Variants in TSPAN6 observed in about 807,000 individuals in gnomAD.
TSPAN6 encodes tetraspanin-6.
TSPAN6 carries 13 observed loss-of-function variants against 18.0 expected under a neutral mutation model. That is an observed-to-expected ratio of 0.72 (90% CI 0.47 to 1.15). The LOEUF is 1.15. Ranked by LOEUF, TSPAN6 falls within the 50% of genes most tolerant of loss-of-function variation. The pLI is 0.00. For synonymous variants in TSPAN6, 82 were observed against 67.0 expected, an observed-to-expected ratio of 1.22 and a Z score of -1.09; for missense variants, 186 against 183.9, an observed-to-expected ratio of 1.01 and a Z score of -0.07.
chrX:100,634,530 T>C (rs926039709), intron 3 of TSPAN6, among the ~76,000 whole-genome samples: 21 of 110,488 alleles, frequency 1.9e-4, no homozygotes, highest in African/African-American at 6.6e-4. Context: ...CTCGCTCTGC[T>C]GCCCAGGCTG....
chrX:100,633,572 T>C, intron 4 of TSPAN6, 33 bp from the exon 5 acceptor site: 2 of 1,158,524 alleles, frequency 1.7e-6, no homozygotes, highest in Non-Finnish European at 2.3e-6. Flanking sequence ...TTACAGTTTA[T>C]ATTACAACTT....
intron 1 of TSPAN6, chrX:100,636,154 G>A: frequency 1.3e-6 from 1 of 791,866 alleles, no homozygotes. Flanking sequence ...GCAAGCCCAA[G>A]GATAGACTGG....
chrX:100,632,357 A>C, intron 6 of TSPAN6, 128 bp downstream of exon 6: 1 of 507,581 alleles, frequency 2.0e-6, no homozygotes, highest in Non-Finnish European at 3.4e-6. Context: ...CAGGGAGCTG[A>C]GATGACGCCA....
At chrX:100,634,906 G>T (rs933784130) in intron 3 of TSPAN6, among the ~76,000 whole-genome samples, 1 of 111,953 alleles carries the variant, frequency 8.9e-6, no homozygotes, top group African/African-American at 3.2e-5. Flanking sequence ...TATCAGCAAA[G>T]TTATAAATTG....
chrX:100,631,955 T>C (rs1461326475), intron 6 of TSPAN6: 4 of 116,106 alleles, frequency 3.4e-5, no homozygotes, highest in Non-Finnish European at 7.1e-5. Flanking sequence ...CCATGGTGGT[T>C]TGCTGCACCC....
rs1462677858 is a variant in TSPAN6, at chrX:100,633,983, T to G, written c.398A>C (p.Tyr133Ser). ...GCTTCTATAATCTCCTGTAGAGTTATACTGCTTCAAAGCCTTCTCATAATT... is the reference window on the plus strand; with the variant it reads ...GCTTCTATAATCTCCTGTAGAGTTAGACTGCTTCAAAGCCTTCTCATAATT... ...KNNYEKALKQ[Y>S]NSTGDYRSHA... Residue 133 changes from tyrosine to serine, a missense_variant, in exon 4 of 8, where the codon TAT (tyrosine) becomes TCT (serine). Transcript: ENST00000373020. The G allele has an allele frequency of 8.3e-7, 1 of 1,205,127 alleles. No homozygotes were observed. The highest frequency in any genetic ancestry group is 1.1e-6 in the Non-Finnish European group (1 of 890,981).
chrX:100,635,857 G>C, intron 1 of TSPAN6, 111 bp from the exon 2 acceptor site: 14 of 580,315 alleles, frequency 2.4e-5, no homozygotes, highest in South Asian at 7.3e-5. Context: ...GCTGGGATAC[G>C]GCAGACAAGG....
chrX:100,634,264 G>A, intron 3 of TSPAN6, among the ~76,000 whole-genome samples: 1 of 111,040 alleles, frequency 9.0e-6, no homozygotes, highest in Non-Finnish European at 1.9e-5. Context: ...AGTGCTGTGG[G>A]AATATGTATT....
At position 100,633,968 on chromosome X, in the gene TSPAN6, T is replaced by A; in HGVS notation, c.413A>T (p.Asp138Val). 1 of 1,205,257 alleles carries A rather than the reference T, an allele frequency of 8.3e-7. No individual in the cohort carries two copies. The highest frequency in any genetic ancestry group is 1.8e-5 in the African/African-American group (1 of 57,139). ...CTTGTCTACTGCATGGCTTCTATAA[T>A]CTCCTGTAGAGTTATACTGCTTCAA... ...KALKQYNSTGDYRSHAVDKIQ... is the reference protein window; with the variant it reads ...KALKQYNSTGVYRSHAVDKIQ... The change falls in exon 4 of 8, where the codon GAT becomes GTT. Residue 138 changes from aspartate to valine, a missense_variant. Transcript: ENST00000373020.
chrX:100,631,623 C>T (rs919297294), intron 6 of TSPAN6, among the ~76,000 whole-genome samples: 1 of 111,574 alleles, frequency 9.0e-6, no homozygotes, highest in Non-Finnish European at 1.9e-5. Flanking sequence ...GGGGTGGCAT[C>T]ATCTAAATTT....
rs759172676 is a variant in TSPAN6, at chrX:100,629,912, T to C, written c.*114A>G. ...GAATCAACCTACTGGTGTAGTTTTT[T>C]GGTCTATCAGTAAGTAGTGTTGTCA... On this transcript the variant is annotated 3_prime_UTR_variant, in exon 8 of 8. Transcript: ENST00000373020. 2.9e-6 allele frequency: 2 copies of C among 682,754 alleles called. No individual in the cohort carries two copies. The highest frequency in any genetic ancestry group is 1.5e-4 in the South Asian group (2 of 13,143). 56.3% of individuals were successfully genotyped at this position (682,754 alleles called of 1,213,427 possible). A position where few individuals can be genotyped will look rare whatever the true frequency, so the allele number is the denominator to read the frequency against.
intron 6 of TSPAN6, chrX:100,632,108 T>C (rs749886422): frequency 3.1e-4 from 48 of 153,976 alleles, no homozygotes; most frequent in Non-Finnish European, 4.9e-4. Context: ...TTATAAGCCT[T>C]AAAAGTGAAA....
At chrX:100,636,051 G>A (rs2083092667) in intron 1 of TSPAN6, 12 of 497,309 alleles carry the variant, frequency 2.4e-5, no homozygotes, top group South Asian at 1.1e-4. Flanking sequence ...CCTTGAAGGG[G>A]AAAAAAAAAA....
In TSPAN6 at chrX:100,633,416, C is replaced by T. The variant is rs1332822649; in HGVS notation, c.574G>A (p.Val192Ile). 1 of 1,209,703 alleles carries T rather than the reference C, an allele frequency of 8.3e-7. No homozygotes were observed. Among genetic ancestry groups the T allele is most frequent in the Non-Finnish European group, 1.1e-6 (1 of 894,374 alleles). Reference sequence around the variant, plus strand: ...AAAAGGCACCTTACTTCATTGTTTACTTTGTCTGCATCTCTCTGTGGAGTA... The same window carrying T: ...AAAAGGCACCTTACTTCATTGTTTATTTTGTCTGCATCTCTCTGTGGAGTA... Reference protein sequence around the residue: ...DCTPQRDADKVNNEGCFIKVM... With the variant: ...DCTPQRDADKINNEGCFIKVM... Residue 192 changes from valine to isoleucine, a missense_variant, in exon 5 of 8, where the codon GTA becomes ATA. Physicochemically the swap from Val to Ile is conservative, Grantham distance 29. Transcript: ENST00000373020.
chrX:100,629,825 G>T lies in TSPAN6; in HGVS notation c.*201C>A. On this transcript the variant is annotated 3_prime_UTR_variant, in exon 8 of 8. Coordinates refer to ENST00000373020, the MANE Select transcript of TSPAN6 (RefSeq NM_003270.4). ...CATCTTGATTGAATCAGCCCACTGC[G>T]AGCACGGATCTTGATTGAATCAGCC... 5.8e-6 allele frequency: 1 copy of T among 171,903 alleles called. No homozygotes were observed. The allele number at this position is 171,903 out of a possible 1,213,427, so 14.2% of individuals were successfully genotyped here.
In TSPAN6 at chrX:100,635,245, A is replaced by G; in HGVS notation, c.284T>C (p.Met95Thr). 8.4e-7 allele frequency: 1 copy of G among 1,185,639 alleles called. No homozygotes were observed. The highest frequency in any genetic ancestry group is 3.1e-5 in the East Asian group (1 of 32,461). The change falls in exon 3 of 8, where the codon ATG (methionine) becomes ACG (threonine). Residue 95 changes from methionine (M) to threonine (T), a missense_variant. Physicochemically the swap from Met to Thr is moderately conservative, Grantham distance 81 (BLOSUM62 -1). Coordinates refer to ENST00000373020, the MANE Select transcript of TSPAN6 (RefSeq NM_003270.4). Reference sequence around the variant, plus strand: ...GACCAAAAAAACGAGAGTCAGAAACATTGCATACTGCAGGATAAGAAAGAA... The same window carrying G: ...GACCAAAAAAACGAGAGTCAGAAACGTTGCATACTGCAGGATAAGAAAGAA... ...ASAWMLKLYA[M>T]FLTLVFLVEL...
chrX:100,633,899 G>T, intron 4 of TSPAN6, 32 bp downstream of exon 4: 1 of 1,012,964 alleles, frequency 9.9e-7, no homozygotes, highest in Non-Finnish European at 1.4e-6. Context: ...AACAGGGAAT[G>T]TGTTCCCCTC....
In TSPAN6 at chrX:100,636,088, C is replaced by A. The variant is rs182104656; in HGVS notation, c.88-342G>T. ...GTGATTTTATGAGTTCCAGAAACTTCCCCCGTCCTCTCCAGGTAGGGATGG... is the reference window on the plus strand; with the variant it reads ...GTGATTTTATGAGTTCCAGAAACTTACCCCGTCCTCTCCAGGTAGGGATGG... On this transcript the variant is annotated intron_variant, in intron 1 of 7. Transcript: ENST00000373020. 1.6e-5 allele frequency: 11 copies of A among 677,628 alleles called. No individual in the cohort carries two copies. The East Asian group carries it at 8.4e-4, about 52-fold the overall frequency. 55.8% of individuals were successfully genotyped at this position (677,628 alleles called of 1,213,427 possible). A position where few individuals can be genotyped will look rare whatever the true frequency, so the allele number is the denominator to read the frequency against.
At chrX:100,633,310 C>CTCTA in intron 5 of TSPAN6, 95 bp downstream of exon 5, 1 of 926,797 alleles carries the variant, frequency 1.1e-6, no homozygotes, top group Non-Finnish European at 1.5e-6. Flanking sequence ...CAGAGCAAGA[C>CTCTA]TCTATCTCAA....
Sources: gnomAD v4.1 joint callset for allele counts (sites outside exome capture counted in the v4.1 genomes callset) on GRCh38, gnomAD v4.1.1 for gene constraint, MANE v1.5 for transcripts, NCBI Gene and HGNC (gene_info 2026-07-23, HGNC 2026-07-21) for gene names.